ROPN1L: variants seen among roughly 807,000 people sequenced by gnomAD.
ROPN1L encodes rhophilin associated tail protein 1 like, also known as ropporin-1-like protein.
ROPN1L carries 23 observed loss-of-function variants against 22.7 expected under a neutral mutation model. That is an observed-to-expected ratio of 1.01 (90% CI 0.73 to 1.43). ROPN1L has a LOEUF of 1.43. Among genes scored for constraint, ROPN1L ranks in the 40% most tolerant of loss-of-function variants. The pLI, the probability that ROPN1L is intolerant of heterozygous loss-of-function variation, is 0.00. For synonymous variants in ROPN1L, 116 were observed against 117.8 expected, an observed-to-expected ratio of 0.98 and a Z score of 0.10; for missense variants, 271 against 291.5, an observed-to-expected ratio of 0.93 and a Z score of 0.51.
chr5:10,450,474 T>C (rs1393055753), intron 3 of ROPN1L, among the ~76,000 whole-genome samples: 2 of 152,224 alleles, frequency 1.3e-5, no homozygotes, highest in African/African-American at 4.8e-5. Flanking sequence ...TTTTCTACTT[T>C]AGTAGAAATC....
rs539967880 is a variant in ROPN1L, at chr5:10,444,150, C to G, written c.131+1852C>G. 2.0e-5 allele frequency among the ~76,000 whole-genome samples: 3 copies of G among 152,268 alleles called. No individual in the cohort carries two copies. The East Asian group carries it at 5.8e-4, about 29-fold the overall frequency. On this transcript the variant is annotated intron_variant, in intron 1 of 4. Transcript: ENST00000274134. ...AAAGAAATATAGCCTCTGGTTTTAA[C>G]CATTATTCAAGCTTAAATAAAAGGA...
At chr5:10,468,368 T>A (rs186929327), downstream of ROPN1L, among the ~76,000 whole-genome samples, 15 of 152,344 alleles carry the variant, frequency 9.8e-5, no homozygotes, top group East Asian at 2.5e-3. Flanking sequence ...TAAACCGGAT[T>A]CCTAATCCCA....
At chr5:10,471,370 A>G (rs1422519215) in intron 4 of ROPN1L, among the ~76,000 whole-genome samples, 2 of 151,396 alleles carry the variant, frequency 1.3e-5, no homozygotes, top group Non-Finnish European at 3.0e-5. Flanking sequence ...CTGGTCACAA[A>G]CTCCTGACCT....
chr5:10,467,692 T>C (rs1365070450), downstream of ROPN1L, among the ~76,000 whole-genome samples: 2 of 152,202 alleles, frequency 1.3e-5, no homozygotes, highest in African/African-American at 4.8e-5. Context: ...TGTAGCTCTG[T>C]GCTGAGGAGC....
At chr5:10,476,880 A>G (rs1433642772), downstream of ROPN1L, among the ~76,000 whole-genome samples, 1 of 152,266 alleles carries the variant, frequency 6.6e-6, no homozygotes, top group Non-Finnish European at 1.5e-5. Context: ...TGTAAAGTCA[A>G]ACAGCTAGTA....
At chr5:10,463,373 G>C (rs970911251) in intron 4 of ROPN1L, among the ~76,000 whole-genome samples, 3 of 152,228 alleles carry the variant, frequency 2.0e-5, no homozygotes, top group Non-Finnish European at 2.9e-5. Flanking sequence ...CCTATGGGGA[G>C]GCAGAGAGAG....
intron 1 of ROPN1L, among the ~76,000 whole-genome samples, chr5:10,443,174 G>A (rs561609602): frequency 6.6e-6 from 1 of 150,978 alleles, no homozygotes; most frequent in Non-Finnish European, 1.5e-5. Flanking sequence ...GGGTAACACA[G>A]CAAGACCCCA....
chr5:10,461,523 A>G lies in ROPN1L; in HGVS notation c.593+164A>G, dbSNP rs2915510. 24 of 635,164 alleles carry G rather than the reference A, an allele frequency of 3.8e-5. No homozygotes were observed. The East Asian group carries it at 6.2e-4, about 16-fold the overall frequency. The allele number at this position is 635,164 out of a possible 1,614,324, so 39.3% of individuals were successfully genotyped here. A position where few individuals can be genotyped will look rare whatever the true frequency, so the allele number is the denominator to read the frequency against. On this transcript the variant is annotated intron_variant, in intron 4 of 4. Coordinates refer to ENST00000274134, the MANE Select transcript of ROPN1L (RefSeq NM_031916.5). ...ATCAAATGTGTGGAGGTTTTTCCTC[A>G]CCAAAAAGCAAGCAAGTGGTCCTGC...
intron 1 of ROPN1L, among the ~76,000 whole-genome samples, chr5:10,445,650 G>T (rs1741033702): frequency 6.6e-6 from 1 of 152,212 alleles, no homozygotes; most frequent in Non-Finnish European, 1.5e-5. Context: ...AGTAGGCTGA[G>T]CACGGTGGCT....
At chr5:10,475,661 G>C (rs2126487117), downstream of ROPN1L, among the ~76,000 whole-genome samples, 1 of 152,340 alleles carries the variant, frequency 6.6e-6, no homozygotes, top group East Asian at 1.9e-4. Flanking sequence ...GACAGAGCAT[G>C]GGGCAACAGG....
At chr5:10,442,527 C>G (rs1740920004) in intron 1 of ROPN1L, among the ~76,000 whole-genome samples, 1 of 152,232 alleles carries the variant, frequency 6.6e-6, no homozygotes, top group Non-Finnish European at 1.5e-5. Flanking sequence ...GCTCACTTAC[C>G]TACAACGTAA....
chr5:10,455,169 C>G (rs528199830), intron 3 of ROPN1L, among the ~76,000 whole-genome samples: 1 of 152,330 alleles, frequency 6.6e-6, no homozygotes, highest in South Asian at 2.1e-4. Flanking sequence ...GATTCAGTGA[C>G]TGACCTATGG....
chr5:10,461,626 G>A (rs750674873), intron 4 of ROPN1L: 3 of 358,738 alleles, frequency 8.4e-6, no homozygotes, highest in African/African-American at 2.1e-5. Flanking sequence ...ACAGGTTGAG[G>A]GTTCAGTCCC....
intron 2 of ROPN1L, 149 bp downstream of exon 2, chr5:10,448,532 C>A: frequency 1.1e-6 from 1 of 887,248 alleles, no homozygotes; most frequent in Non-Finnish European, 1.7e-6. Context: ...TGCCACGCAT[C>A]GTCAAGGTTG....
intron 1 of ROPN1L, among the ~76,000 whole-genome samples, chr5:10,443,635 A>G (rs1579639555): frequency 6.6e-6 from 1 of 152,138 alleles, no homozygotes; most frequent in Admixed American, 6.5e-5. Flanking sequence ...TCTCAAAAAA[A>G]AAAAAAACAC....
At chr5:10,479,752 CT>C in the ROPN1L span, among the ~76,000 whole-genome samples, 1 of 150,246 alleles carries the variant, frequency 6.7e-6, no homozygotes, top group Admixed American at 6.6e-5. Flanking sequence ...CATGTCAACT[CT>C]TTTTTTTTTC....
chr5:10,470,551 G>C (rs1236253402), intron 4 of ROPN1L, among the ~76,000 whole-genome samples: 2 of 152,224 alleles, frequency 1.3e-5, no homozygotes. Flanking sequence ...AAAGAAACTG[G>C]ATAGGTGGGG....
intron 1 of ROPN1L, among the ~76,000 whole-genome samples, chr5:10,447,136 G>A (rs1284693047): frequency 6.6e-6 from 1 of 152,162 alleles, no homozygotes; most frequent in Non-Finnish European, 1.5e-5. Flanking sequence ...TGTGGCCCTG[G>A]TGGATGCTTT....
intron 1 of ROPN1L, 138 bp downstream of exon 1, chr5:10,442,436 A>T (rs1281152366): frequency 9.6e-7 from 1 of 1,037,086 alleles, no homozygotes; most frequent in Non-Finnish European, 1.4e-6. Flanking sequence ...TCCCCTTAGC[A>T]TTGGTGACAT....
Sources: gnomAD v4.1 joint callset for allele counts (sites outside exome capture counted in the v4.1 genomes callset) on GRCh38, gnomAD v4.1.1 for gene constraint, MANE v1.5 for transcripts, NCBI Gene and HGNC (gene_info 2026-07-23, HGNC 2026-07-21) for gene names.